UNC5B: variants seen among roughly 807,000 people sequenced by gnomAD.
UNC5B encodes unc-5 netrin receptor B.
In UNC5B, 56 loss-of-function variants were observed where a neutral mutation model predicts 103.7. That is an observed-to-expected ratio of 0.54 (90% confidence interval 0.44 to 0.67). The LOEUF (loss-of-function observed/expected upper bound fraction) is 0.67, where lower values mean the gene tolerates loss of function less well. Ranked by LOEUF, UNC5B falls within the 30% of genes least tolerant of loss-of-function variation. The pLI is 0.00. For missense variants in UNC5B, 1,194 were observed against 1,284.5 expected (o/e 0.93, Z 1.08); for synonymous variants, 577 against 542.0 (o/e 1.06, Z -0.90).
intron 1 of UNC5B, among the ~76,000 whole-genome samples, chr10:71,242,567 G>A (rs1055550395): frequency 6.6e-6 from 1 of 152,186 alleles, no homozygotes; most frequent in African/African-American, 2.4e-5. Context: ...GATTCCAGGG[G>A]GATCCACTTT....
chr10:71,240,670 C>T (rs756402165), intron 1 of UNC5B, among the ~76,000 whole-genome samples: 1 of 152,252 alleles, frequency 6.6e-6, no homozygotes, highest in Non-Finnish European at 1.5e-5. Context: ...GCCTGCTCCT[C>T]CTCCCCCACT....
intron 2 of UNC5B, among the ~76,000 whole-genome samples, chr10:71,282,296 C>T (rs1410371275): frequency 6.6e-6 from 1 of 152,194 alleles, no homozygotes; most frequent in African/African-American, 2.4e-5. Context: ...CAGCTTATGC[C>T]AGATTGGGGC....
intron 1 of UNC5B, among the ~76,000 whole-genome samples, chr10:71,252,313 C>G (rs1250198730): frequency 6.6e-6 from 1 of 152,200 alleles, no homozygotes; most frequent in Admixed American, 6.5e-5. Context: ...CCTTTTGTGT[C>G]TCTGCATTGA....
intron 1 of UNC5B, among the ~76,000 whole-genome samples, chr10:71,225,917 C>T (rs1378053509): frequency 6.6e-6 from 1 of 152,022 alleles, no homozygotes; most frequent in Non-Finnish European, 1.5e-5. Flanking sequence ...TTGCCAGCCC[C>T]TCACACGGCT....
At chr10:71,237,062 G>A (rs1016427640) in intron 1 of UNC5B, among the ~76,000 whole-genome samples, 7 of 152,222 alleles carry the variant, frequency 4.6e-5, no homozygotes, top group Non-Finnish European at 4.4e-5. Flanking sequence ...AGAAGAGGCA[G>A]GAAGCACAGG....
At chr10:71,227,603 C>CAT (rs1843590402) in intron 1 of UNC5B, among the ~76,000 whole-genome samples, 1 of 120,806 alleles carries the variant, frequency 8.3e-6, no homozygotes, top group African/African-American at 3.6e-5. Flanking sequence ...TGTATACATA[C>CAT]ATATATACAT....
chr10:71,298,793 A>G lies in UNC5B; in HGVS notation c.2673-319A>G, dbSNP rs116911448. Among the ~76,000 whole-genome samples the G allele has an allele frequency of 3.7e-3, 570 of 152,272 alleles. 1 individual carries two copies. The highest frequency in any genetic ancestry group is 6.5e-3 in the Non-Finnish European group (445 of 68,014). On this transcript the variant is annotated intron_variant, in intron 16 of 16. Coordinates refer to ENST00000335350, the MANE Select transcript of UNC5B (RefSeq NM_170744.5). ...TCTCTCTTGGGGCCAGTGTCTTTCAATGATAATAATGATGATGATGAACAA... is the reference window on the plus strand; with the variant it reads ...TCTCTCTTGGGGCCAGTGTCTTTCAGTGATAATAATGATGATGATGAACAA...
intron 1 of UNC5B, among the ~76,000 whole-genome samples, chr10:71,246,027 A>T (rs1357142201): frequency 6.6e-6 from 1 of 151,884 alleles, no homozygotes; most frequent in Non-Finnish European, 1.5e-5. Flanking sequence ...ACCTGGCTGG[A>T]GGTGGAGGTG....
At chr10:71,271,873 G>A (rs10733880) in intron 1 of UNC5B, among the ~76,000 whole-genome samples, 120,943 of 152,064 alleles carry the variant, frequency 0.8, 48,665 homozygotes, top group Non-Finnish European at 0.86. Flanking sequence ...GGTGTGGGAA[G>A]AGGGCTGCGT....
chr10:71,250,805 A>G (rs1844155733), intron 1 of UNC5B, among the ~76,000 whole-genome samples: 1 of 152,202 alleles, frequency 6.6e-6, no homozygotes, highest in South Asian at 2.1e-4. Flanking sequence ...AACTTTTCTA[A>G]TTTATAATCT....
Position 71,213,371 on chromosome 10 carries a change from T to G in UNC5B, c.79+307T>G, listed in dbSNP as rs1457804391. Among the ~76,000 whole-genome samples, 1 of 152,102 alleles carries G rather than the reference T, an allele frequency of 6.6e-6. No individual in the cohort carries two copies. Among genetic ancestry groups the G allele is most frequent in the African/African-American group, 2.4e-5 (1 of 41,434 alleles). ...TGAGTCTCCGGGAGGATCCGCCTCC[T>G]GGGGACGCCCGGCTCTCCGCGCGCC... is the stretch of plus-strand genomic sequence containing the variant. On this transcript the variant is annotated intron_variant, in intron 1 of 16. Coordinates refer to ENST00000335350, the MANE Select transcript of UNC5B (RefSeq NM_170744.5). The surrounding 1 kb of genome is among the most constrained non-coding windows in gnomAD (Gnocchi z 4.1).
intron 1 of UNC5B, among the ~76,000 whole-genome samples, chr10:71,233,586 CT>C (rs1843722729): frequency 6.6e-6 from 1 of 152,222 alleles, no homozygotes; most frequent in Non-Finnish European, 1.5e-5. Flanking sequence ...CCGTCCCAGC[CT>C]GGCTTTAGTT....
chr10:71,235,932 G>C (rs1843767619), intron 1 of UNC5B, among the ~76,000 whole-genome samples: 1 of 152,242 alleles, frequency 6.6e-6, no homozygotes, highest in South Asian at 2.1e-4. Context: ...GGAGCCTGCA[G>C]CATGGGTCCT....
chr10:71,285,793 G>T (rs373815265), intron 4 of UNC5B, among the ~76,000 whole-genome samples: 4 of 152,172 alleles, frequency 2.6e-5, no homozygotes, highest in African/African-American at 9.7e-5. Flanking sequence ...GTGTGTGAGT[G>T]TGTTCTCCCC....
In UNC5B at chr10:71,287,844, C is replaced by T. The variant is rs113282755; in HGVS notation, c.901+79C>T. 1.4e-4 allele frequency: 217 copies of T among 1,529,666 alleles called. No homozygotes were observed. The African/African-American group carries it at 2.7e-3, about 19-fold the overall frequency. The allele number at this position is 1,529,666 out of a possible 1,614,324, so 94.8% of individuals were successfully genotyped here. ...TTTTGTGTGCCAGAGCCGGGACAGC[C>T]ATTCTCTCCCCAGCATGGGGAGCAG... On this transcript the variant is annotated intron_variant, in intron 6 of 16. Transcript: ENST00000335350.
chr10:71,283,064 G>T (rs564266863), intron 2 of UNC5B, among the ~76,000 whole-genome samples: 1 of 151,986 alleles, frequency 6.6e-6, no homozygotes, highest in Admixed American at 6.5e-5. Context: ...AGGTTGCAGT[G>T]AGCCGAGATT....
At chr10:71,231,377 C>T (rs1016290180) in intron 1 of UNC5B, among the ~76,000 whole-genome samples, 2 of 152,236 alleles carry the variant, frequency 1.3e-5, no homozygotes, top group African/African-American at 4.8e-5. Flanking sequence ...TGGCTGGCTC[C>T]TTGTCATCCA....
At chr10:71,245,516 T>C (rs956108378) in intron 1 of UNC5B, among the ~76,000 whole-genome samples, 1 of 152,148 alleles carries the variant, frequency 6.6e-6, no homozygotes, top group Admixed American at 6.5e-5. Context: ...ACTGTCCTTC[T>C]GGGTGGGCTG....
At chr10:71,269,351 C>CCCA in intron 1 of UNC5B, among the ~76,000 whole-genome samples, 1 of 145,712 alleles carries the variant, frequency 6.9e-6, no homozygotes, top group South Asian at 2.4e-4. Flanking sequence ...AGTCCCCCCC[C>CCCA]CACAACTTCT....
Sources: allele counts gnomAD v4.1 joint callset (sites outside exome capture counted in the v4.1 genomes callset), GRCh38; gene constraint gnomAD v4.1.1; non-coding constraint Gnocchi (gnomAD v3.1); transcripts MANE v1.5; gene names NCBI Gene and HGNC (gene_info 2026-07-23, HGNC 2026-07-21).